Variants in TASP1 observed in about 807,000 individuals in gnomAD.
TASP1 encodes taspase 1, also known as threonine aspartase 1.
A neutral mutation model predicts 56.6 loss-of-function variants in TASP1; 16 were observed. That is an observed-to-expected ratio of 0.28 (90% CI 0.19 to 0.43). The LOEUF is 0.43. Among genes scored for constraint, TASP1 ranks in the 20% least tolerant of loss-of-function variants. The probability of loss-of-function intolerance (pLI) is 1.00; values close to 1 mark genes in which losing one functional copy is unlikely to be tolerated. For synonymous variants in TASP1, 179 were observed against 184.2 expected, an observed-to-expected ratio of 0.97 and a Z score of 0.23; for missense variants, 393 against 511.6, an observed-to-expected ratio of 0.77 and a Z score of 2.24.
At chr20:13,600,070 A>T (rs972805866) in intron 4 of TASP1, among the ~76,000 whole-genome samples, 1 of 152,188 alleles carries the variant, frequency 6.6e-6, no homozygotes, top group African/African-American at 2.4e-5. Flanking sequence ...TTGGGAATAA[A>T]CATAATACAT....
chr20:13,448,610 G>A (rs1249740810), intron 11 of TASP1, among the ~76,000 whole-genome samples: 1 of 152,036 alleles, frequency 6.6e-6, no homozygotes, highest in Admixed American at 6.6e-5. Context: ...AAGAAACGTG[G>A]CGTGGTACCC....
chr20:13,546,708 T>C (rs1230365446), intron 8 of TASP1, among the ~76,000 whole-genome samples: 1 of 152,214 alleles, frequency 6.6e-6, no homozygotes, highest in East Asian at 1.9e-4. Context: ...CAAGTTTCTC[T>C]AGATGAGCAC....
chr20:13,414,078 T>G (rs994042767), intron 13 of TASP1, among the ~76,000 whole-genome samples: 1 of 152,360 alleles, frequency 6.6e-6, no homozygotes, highest in African/African-American at 2.4e-5. Context: ...TTTTCTGATA[T>G]AGGATCTAGT....
chr20:13,303,294 TG>T, the TASP1 span, among the ~76,000 whole-genome samples: 848 of 152,336 alleles, frequency 5.6e-3, 10 homozygotes, highest in African/African-American at 0.019. Flanking sequence ...TTGCTTAGAT[TG>T]TTCAAAGAGG....
At chr20:13,221,696 G>GCTC in the TASP1 span, 1 of 1,200,988 alleles carries the variant, frequency 8.3e-7, no homozygotes, top group Non-Finnish European at 1.1e-6. Context: ...GGGCTCCCGG[G>GCTC]CTCCTACTCC....
chr20:13,512,158 C>G (rs1047799077), intron 10 of TASP1, among the ~76,000 whole-genome samples: 4 of 152,122 alleles, frequency 2.6e-5, no homozygotes, highest in African/African-American at 9.7e-5. Flanking sequence ...ATTTCTAGTT[C>G]TAGATCCCTG....
intron 4 of TASP1, among the ~76,000 whole-genome samples, chr20:13,622,957 A>G (rs1271546568): frequency 6.6e-6 from 1 of 152,132 alleles, no homozygotes; most frequent in Non-Finnish European, 1.5e-5. Flanking sequence ...CAATTATTCG[A>G]TGTCCACAGT....
At chr20:13,530,391 G>A (rs2045175544) in intron 9 of TASP1, among the ~76,000 whole-genome samples, 1 of 152,172 alleles carries the variant, frequency 6.6e-6, no homozygotes, top group Non-Finnish European at 1.5e-5. Context: ...GCAACTGAAA[G>A]CCCTTCAGAA....
chr20:13,245,844 C>T, the TASP1 span, among the ~76,000 whole-genome samples: 7 of 152,156 alleles, frequency 4.6e-5, no homozygotes, highest in African/African-American at 1.7e-4. Flanking sequence ...TGGAACTGAC[C>T]CACCTTTCCT....
At chr20:13,623,725 T>C (rs2048794798) in intron 3 of TASP1, among the ~76,000 whole-genome samples, 3 of 152,214 alleles carry the variant, frequency 2.0e-5, no homozygotes, top group Non-Finnish European at 2.9e-5. Context: ...ATTATTCAAA[T>C]TAAAACAATA....
At chr20:13,238,686 T>C in the TASP1 span, among the ~76,000 whole-genome samples, 1 of 152,194 alleles carries the variant, frequency 6.6e-6, no homozygotes, top group East Asian at 1.9e-4. Context: ...ATACAGGATG[T>C]TTTTGGCTTC....
the TASP1 span, among the ~76,000 whole-genome samples, chr20:13,335,959 C>A: frequency 6.6e-6 from 1 of 152,036 alleles, no homozygotes; most frequent in East Asian, 1.9e-4. Flanking sequence ...AATAAATTTC[C>A]AAACTGAAAG....
intron 12 of TASP1, among the ~76,000 whole-genome samples, chr20:13,421,158 G>A (rs2042420905): frequency 7.0e-6 from 1 of 143,272 alleles, no homozygotes; most frequent in South Asian, 2.2e-4. Context: ...TGTCACCTAG[G>A]CTGGAGTGCG....
At chr20:13,506,855 G>C (rs1014459262) in intron 10 of TASP1, among the ~76,000 whole-genome samples, 14 of 148,362 alleles carry the variant, frequency 9.4e-5, no homozygotes, top group Non-Finnish European at 2.1e-4. Flanking sequence ...ACACAGTACT[G>C]CAAGTCTTAG....
intron 12 of TASP1, among the ~76,000 whole-genome samples, chr20:13,429,906 C>A (rs2042747228): frequency 6.6e-6 from 1 of 152,022 alleles, no homozygotes; most frequent in African/African-American, 2.4e-5. Context: ...TTCTCTCCTG[C>A]CCCTGGTTTG....
the TASP1 span, among the ~76,000 whole-genome samples, chr20:13,230,609 A>G: frequency 3.7e-3 from 558 of 152,256 alleles, 6 homozygotes; most frequent in African/African-American, 0.013. Context: ...TAGGTCCTCA[A>G]TGACAGCTAA....
the TASP1 span, chr20:13,270,650 G>A: frequency 6.2e-7 from 1 of 1,613,942 alleles, no homozygotes; most frequent in Non-Finnish European, 8.5e-7. Context: ...ACCCTTCATT[G>A]CAAAGAGATT....
At chr20:13,493,190 C>T (rs2043600574) in intron 10 of TASP1, among the ~76,000 whole-genome samples, 1 of 152,148 alleles carries the variant, frequency 6.6e-6, no homozygotes, top group Non-Finnish European at 1.5e-5. Context: ...CTTCAACAAA[C>T]ATGAGTAGTG....
intron 5 of TASP1, among the ~76,000 whole-genome samples, chr20:13,582,408 CAACTTATAAATCCAATTTAT>C (rs1175938106): frequency 1.5e-5 from 2 of 137,758 alleles, no homozygotes; most frequent in East Asian, 2.1e-4. Context: ...ATTTATAACA[CAACTTATAAATCCAATTTAT>C]AACTTATAAA....
Sources: allele counts gnomAD v4.1 joint callset (sites outside exome capture counted in the v4.1 genomes callset), GRCh38; gene constraint gnomAD v4.1.1; transcripts MANE v1.5; gene names NCBI Gene and HGNC (gene_info 2026-07-23, HGNC 2026-07-21).